Variants in TPH1 observed in about 807,000 individuals in gnomAD.
TPH1 encodes tryptophan 5-hydroxylase 1.
TPH1 carries 37 observed loss-of-function variants against 49.5 expected under a neutral mutation model. The ratio of observed to expected loss-of-function variants is 0.75; its 90% confidence interval spans 0.58 to 0.98. The LOEUF is 0.98. Among genes scored for constraint, TPH1 ranks in the 50% least tolerant of loss-of-function variants. TPH1 has a pLI of 0.00. For synonymous variants in TPH1, 160 were observed against 182.1 expected (o/e 0.88, Z 0.98); for missense variants, 487 against 523.6 (o/e 0.93, Z 0.68).
At chr11:18,040,607 T>A (rs1345685211) in intron 2 of TPH1, 39 bp downstream of exon 2, 1 of 1,584,446 alleles carries the variant, frequency 6.3e-7, no homozygotes, top group East Asian at 2.2e-5. Flanking sequence ...GAGATTCATT[T>A]CTAGAAGAAT....
At chr11:18,021,251 C>T (rs933003620) in intron 10 of TPH1, 86 bp from the exon 11 acceptor site, 3 of 1,393,854 alleles carry the variant, frequency 2.2e-6, no homozygotes, top group African/African-American at 2.8e-5. Flanking sequence ...ATTTCACATA[C>T]TAGGCAAAAA....
chr11:18,045,482 C>CTT (rs35331311), intron 1 of TPH1, among the ~76,000 whole-genome samples: 1 of 149,166 alleles, frequency 6.7e-6, no homozygotes, highest in African/African-American at 2.5e-5. Flanking sequence ...CCACCCCCCC[C>CTT]TTTTTTTTTT....
At position 18,019,814 on chromosome 11, in the gene TPH1, G is replaced by T. The variant is rs1011929910; in HGVS notation, c.*1177C>A. The T allele has an allele frequency of 3.5e-5, 16 of 451,756 alleles. No homozygotes were observed. Among genetic ancestry groups the T allele is most frequent in the African/African-American group, 6.0e-5 (3 of 49,930 alleles). 28.0% of individuals were successfully genotyped at this position (451,756 alleles called of 1,614,324 possible). A position where few individuals can be genotyped will look rare whatever the true frequency, so the allele number is the denominator to read the frequency against. ...GTTCAGCTTCACCCATTTATAACAG[G>T]ACTGCTTACTCCCTGTGCTACACAG... On this transcript the variant is annotated 3_prime_UTR_variant, in exon 11 of 11. Coordinates refer to ENST00000682019, the MANE Select transcript of TPH1 (RefSeq NM_004179.3).
chr11:18,042,530 T>C (rs533622823), intron 1 of TPH1: 1 of 314,928 alleles, frequency 3.2e-6, no homozygotes, highest in East Asian at 8.9e-5. Context: ...ATAATCTTTA[T>C]ATGTATCAAC....
chr11:18,033,668 A>C (rs1054863998), intron 3 of TPH1, among the ~76,000 whole-genome samples: 4 of 152,234 alleles, frequency 2.6e-5, no homozygotes, highest in Admixed American at 1.3e-4. Flanking sequence ...CTTAAGCTAC[A>C]TATTTAGTTA....
At chr11:18,037,433 A>C (rs1848057833) in intron 2 of TPH1, among the ~76,000 whole-genome samples, 1 of 152,164 alleles carries the variant, frequency 6.6e-6, no homozygotes, top group Non-Finnish European at 1.5e-5. Flanking sequence ...GATGTTAGAA[A>C]ATTAGAATAG....
rs1848047328 is a variant in TPH1, at chr11:18,036,210, C to T, written c.118-68G>A. The T allele has an allele frequency of 2.5e-6, 3 of 1,194,130 alleles. No homozygotes were observed. The African/African-American group carries it at 4.5e-5, about 18-fold the overall frequency. 74.0% of individuals were successfully genotyped at this position (1,194,130 alleles called of 1,614,324 possible). ...ATGTTAATAGTCTTTGAGCAGGCTA[C>T]TTTAATTACCACTAAAAATCAGATT... On this transcript the variant is annotated intron_variant, in intron 2 of 10. Coordinates refer to ENST00000682019, the MANE Select transcript of TPH1 (RefSeq NM_004179.3).
rs374418830 is a variant in TPH1, at chr11:18,022,881, G to A, written c.1077C>T (p.Thr359=). The A allele has an allele frequency of 9.3e-6, 15 of 1,613,496 alleles. No homozygotes were observed. The highest frequency in any genetic ancestry group is 1.2e-5 in the Non-Finnish European group (14 of 1,179,646). ...TTGTGATAAGACATTCCTGTTTGCA[G>A]GTAATCTTGGGATCAAAGGGCTTTA... ...AKVKPFDPKI[T]CKQECLITTF... is the part of the protein sequence containing the mutation. Residue 359 remains threonine, a synonymous_variant, in exon 10 of 11, where the codon ACC becomes ACT. Coordinates refer to ENST00000682019, the MANE Select transcript of TPH1 (RefSeq NM_004179.3).
rs1233304892 is a variant in TPH1 at position 18,018,044 on chromosome 11, T to C, written c.*2947A>G. The C allele has an allele frequency of 2.0e-5, 3 of 151,638 alleles. No homozygotes were observed. The highest frequency in any genetic ancestry group is 4.4e-5 in the Non-Finnish European group (3 of 67,930). 9.4% of individuals were successfully genotyped at this position (151,638 alleles called of 1,614,324 possible). A position where few individuals can be genotyped will look rare whatever the true frequency, so the allele number is the denominator to read the frequency against. On this transcript the variant is annotated 3_prime_UTR_variant, in exon 11 of 11. Coordinates refer to ENST00000682019, the MANE Select transcript of TPH1 (RefSeq NM_004179.3). The stretch of plus-strand genomic sequence containing the variant: ...AAGTTCGAGACCAGCCTGGCCAACA[T>C]GGCGAAACCCCATCTCTACTAAAAA...
chr11:18,044,933 T>C (rs1400579580), intron 1 of TPH1, among the ~76,000 whole-genome samples: 3 of 152,200 alleles, frequency 2.0e-5, no homozygotes, highest in Non-Finnish European at 4.4e-5. Context: ...ATTTTCCTAC[T>C]GCGTCTCCTG....
chr11:18,036,041 C>G lies in TPH1; in HGVS notation c.219G>C (p.Leu73Phe), dbSNP rs140658216. Residue 73 changes from leucine to phenylalanine, a missense_variant, in exon 3 of 11, where the codon TTG becomes TTC. Coordinates refer to ENST00000682019, the MANE Select transcript of TPH1 (RefSeq NM_004179.3). ...ACTTCAGCAGATGAAAAATATCATT[C>G]AATTGTTCTCTGTTGATGTCACAGT... ...FVDCDINREQ[L>F]NDIFHLLKSH... is the part of the protein sequence containing the mutation. 1.2e-6 allele frequency: 2 copies of G among 1,612,828 alleles called. No individual in the cohort carries two copies. The highest frequency in any genetic ancestry group is 4.5e-5 in the East Asian group (2 of 44,814).
chr11:18,024,076 A>G (rs1190194016), intron 8 of TPH1, 93 bp from the exon 9 acceptor site: 1 of 939,778 alleles, frequency 1.1e-6, no homozygotes. Flanking sequence ...ATACCCTAGA[A>G]TAAAGTCCAA....
chr11:18,043,728 T>C (rs759023710), intron 1 of TPH1, among the ~76,000 whole-genome samples: 10 of 152,182 alleles, frequency 6.6e-5, no homozygotes, highest in Non-Finnish European at 1.2e-4. Flanking sequence ...TAGCTGGGCA[T>C]AGTGGCTTTC....
intron 3 of TPH1, among the ~76,000 whole-genome samples, chr11:18,033,937 C>A (rs139582761): frequency 6.6e-6 from 1 of 152,140 alleles, no homozygotes; most frequent in Admixed American, 6.5e-5. Flanking sequence ...TGAGAATATC[C>A]GTCACATCCT....
At position 18,018,638 on chromosome 11, in the gene TPH1, C is replaced by T. The variant is rs937741655; in HGVS notation, c.*2353G>A. 7.9e-6 allele frequency: 1 copy of T among 125,942 alleles called. No individual in the cohort carries two copies. The highest frequency in any genetic ancestry group is 1.6e-5 in the Non-Finnish European group (1 of 63,964). 7.8% of individuals were successfully genotyped at this position (125,942 alleles called of 1,614,324 possible). On this transcript the variant is annotated 3_prime_UTR_variant, in exon 11 of 11. Coordinates refer to ENST00000682019, the MANE Select transcript of TPH1 (RefSeq NM_004179.3). The stretch of plus-strand genomic sequence containing the variant: ...CCAAGATCGCACCACTGCACTCCAG[C>T]CTGGGCGACAGAGCAAGACTCCGTC...
rs200405204 is a variant in TPH1, at chr11:18,029,557, C to A, written c.425G>T (p.Arg142Leu). 6.2e-7 allele frequency: 1 copy of A among 1,612,944 alleles called. No individual in the cohort carries two copies. Among genetic ancestry groups the A allele is most frequent in the Non-Finnish European group, 8.5e-7 (1 of 1,179,364 alleles). ...DHPGFKDNVY[R>L]KRRKYFADLA... The stretch of plus-strand genomic sequence containing the variant: ...GTCCGCAAAATACTTTCGACGTTTA[C>A]GGTAGACATTGTCTTTGAAGCCCTG... Residue 142 changes from arginine (R) to leucine (L), a missense_variant, in exon 5 of 11, where the codon CGT becomes CTT. Arg to Leu is a moderately radical substitution (Grantham distance 102). Coordinates refer to ENST00000682019, the MANE Select transcript of TPH1 (RefSeq NM_004179.3).
At chr11:18,033,132 G>C (rs1340649852) in intron 4 of TPH1, 142 bp downstream of exon 4, 1 of 683,664 alleles carries the variant, frequency 1.5e-6, no homozygotes, top group Non-Finnish European at 2.7e-6. Flanking sequence ...GGGCACCTGT[G>C]ATCCCAGCTA....
intron 1 of TPH1, chr11:18,042,474 C>A: frequency 2.7e-6 from 1 of 374,122 alleles, no homozygotes. Flanking sequence ...AATAATATAA[C>A]AAATTGCTAG....
intron 1 of TPH1, among the ~76,000 whole-genome samples, chr11:18,041,891 A>T (rs1848101084): frequency 6.6e-6 from 1 of 152,256 alleles, no homozygotes; most frequent in African/African-American, 2.4e-5. Flanking sequence ...GAAGCACCAC[A>T]GTCAAAGTTA....
Sources: allele counts gnomAD v4.1 joint callset (sites outside exome capture counted in the v4.1 genomes callset), GRCh38; gene constraint gnomAD v4.1.1; transcripts MANE v1.5; gene names NCBI Gene and HGNC (gene_info 2026-07-23, HGNC 2026-07-21).